Variants in NCOR1 observed in about 807,000 individuals in gnomAD.
NCOR1 encodes nuclear receptor corepressor 1, also known as protein phosphatase 1, regulatory subunit 109.
In NCOR1, 63 loss-of-function variants were observed where a neutral mutation model predicts 288.1. That is an observed-to-expected ratio of 0.22 (90% CI 0.18 to 0.27). NCOR1 has a LOEUF of 0.27. Among genes scored for constraint, NCOR1 ranks in the 10% least tolerant of loss-of-function variants. NCOR1 has a pLI of 1.00. For missense variants in NCOR1, 2,397 were observed against 3,019.2 expected, an observed-to-expected ratio of 0.79 and a Z score of 4.83; for synonymous variants, 1,007 against 1,065.9, an observed-to-expected ratio of 0.94 and a Z score of 1.08.
In NCOR1 at chr17:16,071,401, T is replaced by C. The variant is rs1195783556; in HGVS notation, c.4152+8A>G. 1 of 1,605,016 alleles carries C rather than the reference T, an allele frequency of 6.2e-7. No homozygotes were observed. Among genetic ancestry groups the C allele is most frequent in the South Asian group, 1.1e-5 (1 of 89,642 alleles). On this transcript the variant is annotated splice_region_variant and intron_variant, in intron 30 of 45. Coordinates refer to ENST00000268712, the MANE Select transcript of NCOR1 (RefSeq NM_006311.4). ...AGTTACTGACAAAAAGAGCCAAAAC[T>C]TAGTTACCTGGGAAATGGAACCCTC... is the stretch of plus-strand genomic sequence containing the variant.
chr17:16,066,987 C>T (rs1567804534), intron 32 of NCOR1, among the ~76,000 whole-genome samples: 1 of 152,216 alleles, frequency 6.6e-6, no homozygotes, highest in East Asian at 1.9e-4. Flanking sequence ...GCAGAAAACA[C>T]ATGTGTGACT....
Position 16,073,572 on chromosome 17 carries a change from A to G in NCOR1, c.3671-3T>C. 6.3e-7 allele frequency: 1 copy of G among 1,596,202 alleles called. No homozygotes were observed. Among genetic ancestry groups the G allele is most frequent in the South Asian group, 1.1e-5 (1 of 87,314 alleles). On this transcript the variant is annotated splice_region_variant and splice_polypyrimidine_tract_variant and intron_variant, in intron 27 of 45. Transcript: ENST00000268712. ...CCCTTCTCGGGCATTCTTAATATCT[A>G]CAGAATACACAAACAAGACTTGCTC...
At position 16,034,856 on chromosome 17, in the gene NCOR1, T is replaced by G; in HGVS notation, c.7044A>C (p.Glu2348Asp). Residue 2348 changes from glutamate to aspartate, a missense_variant, in exon 45 of 46, where the codon GAA (glutamate) becomes GAC (aspartate). Around this residue, in one of 11 missense-constraint regions of NCOR1, gnomAD observed 1,872 missense variants for 2,187.8 expected, o/e 0.86. Transcript: ENST00000268712. Reference protein sequence around the residue: ...PIPGQGYLGTERPSSVSSVHS... With the variant: ...PIPGQGYLGTDRPSSVSSVHS... ...GTACAGAGGAGACTGAAGAGGGCCG[T>G]TCCGTTCCTAAGTAGCCTTGCCCAG... The G allele has an allele frequency of 6.2e-7, 1 of 1,614,118 alleles. No individual in the cohort carries two copies. The highest frequency in any genetic ancestry group is 8.5e-7 in the Non-Finnish European group (1 of 1,179,998).
rs1292169277 is a variant in NCOR1, at chr17:16,098,456, T to C, written c.2731A>G (p.Thr911Ala). 1.9e-6 allele frequency: 3 copies of C among 1,613,870 alleles called. No homozygotes were observed. The highest frequency in any genetic ancestry group is 2.2e-5 in the South Asian group (2 of 91,048). The change falls in exon 21 of 46, where the codon ACT becomes GCT. Residue 911 changes from threonine (T) to alanine (A), a missense_variant. By Grantham distance (58) the Thr-to-Ala change is moderately conservative. Transcript: ENST00000268712. The part of the protein sequence containing the change: ...MDSKPSLLNP[T>A]GSILVSSPLK... ...GGAGATGAGACGAGTATAGATCCAG[T>C]GGGGTTTAACAGTGAAGGCTTTGAG...
intron 1 of NCOR1, among the ~76,000 whole-genome samples, chr17:16,203,001 G>A (rs555193059): frequency 6.6e-6 from 1 of 151,276 alleles, no homozygotes; most frequent in Non-Finnish European, 1.5e-5. Flanking sequence ...TTAGCTCTCA[G>A]TAACACCCAC....
intron 42 of NCOR1, among the ~76,000 whole-genome samples, chr17:16,041,738 T>C (rs1390508419): frequency 2.7e-5 from 4 of 149,254 alleles, no homozygotes. Flanking sequence ...AATTAATTTA[T>C]TAATTAATTT....
intron 16 of NCOR1, 80 bp downstream of exon 16, chr17:16,120,972 G>T (rs1032519652): frequency 2.3e-6 from 3 of 1,279,710 alleles, no homozygotes; most frequent in Non-Finnish European, 3.2e-6. Flanking sequence ...AATATTAAAA[G>T]TCCTTTCTAC....
chr17:16,098,136 G>A (rs1005283335), intron 21 of NCOR1, among the ~76,000 whole-genome samples: 16 of 152,136 alleles, frequency 1.1e-4, no homozygotes, highest in Non-Finnish European at 2.2e-4. Flanking sequence ...AATTAATTTC[G>A]CATTCGAAAG....
At chr17:16,131,443 CTAACTATATA>C (rs1287726978) in intron 14 of NCOR1, among the ~76,000 whole-genome samples, 1 of 152,040 alleles carries the variant, frequency 6.6e-6, no homozygotes, top group Non-Finnish European at 1.5e-5. Context: ...AAATGAATAT[CTAACTATATA>C]TATGTGCTAA....
chr17:16,169,300 T>A (rs562245547), intron 4 of NCOR1, among the ~76,000 whole-genome samples: 5 of 152,202 alleles, frequency 3.3e-5, no homozygotes, highest in African/African-American at 1.2e-4. Flanking sequence ...CCCATAAAAT[T>A]AAATAAAATT....
At chr17:16,039,795 CCTT>C in intron 43 of NCOR1, 141 bp from the exon 44 acceptor site, 3 of 739,820 alleles carry the variant, frequency 4.1e-6, no homozygotes, top group Non-Finnish European at 6.5e-6. Flanking sequence ...CACACAGAGA[CCTT>C]TTTTTTTGGA....
chr17:16,075,989 C>T (rs2062398685), intron 26 of NCOR1, among the ~76,000 whole-genome samples: 1 of 152,226 alleles, frequency 6.6e-6, no homozygotes, highest in African/African-American at 2.4e-5. Context: ...GGATTTAACT[C>T]TCAGAAGTTT....
chr17:16,165,946 G>A (rs1329251977), intron 4 of NCOR1, among the ~76,000 whole-genome samples: 1 of 152,126 alleles, frequency 6.6e-6, no homozygotes, highest in Non-Finnish European at 1.5e-5. Flanking sequence ...CCTACAATGA[G>A]GGTAGTTCAC....
intron 27 of NCOR1, 28 bp from the exon 28 acceptor site, chr17:16,073,597 C>T (rs1312753003): frequency 5.1e-6 from 8 of 1,560,604 alleles, no homozygotes; most frequent in East Asian, 4.7e-5. Flanking sequence ...AAGACTTGCT[C>T]AGACGGAGCA....
chr17:16,176,096 G>A (rs530454887), intron 3 of NCOR1, among the ~76,000 whole-genome samples: 4 of 151,978 alleles, frequency 2.6e-5, no homozygotes, highest in Non-Finnish European at 4.4e-5. Flanking sequence ...GCACATGCCC[G>A]TAATCCCAGC....
Position 16,194,576 on chromosome 17 carries a change from T to C in NCOR1, c.-7A>G. ...GATAACCTGAACTTGACATTATCAG[T>C]AAAGAAGTCCTCACCAGACTGTGAG... On this transcript the variant is annotated 5_prime_UTR_variant, in exon 2 of 46. Coordinates refer to ENST00000268712, the MANE Select transcript of NCOR1 (RefSeq NM_006311.4). 6.4e-7 allele frequency: 1 copy of C among 1,551,356 alleles called. No homozygotes were observed. Among genetic ancestry groups the C allele is most frequent in the African/African-American group, 1.4e-5 (1 of 73,852 alleles).
intron 31 of NCOR1, among the ~76,000 whole-genome samples, chr17:16,068,788 A>T (rs893725545): frequency 6.8e-6 from 1 of 146,668 alleles, no homozygotes; most frequent in Admixed American, 7.0e-5. Context: ...ATCTTGGCTC[A>T]CTGCAGTCTC....
chr17:16,038,637 C>T (rs886329521), intron 44 of NCOR1, among the ~76,000 whole-genome samples: 7 of 152,088 alleles, frequency 4.6e-5, no homozygotes, highest in Non-Finnish European at 8.8e-5. Context: ...GGGTTTTCAT[C>T]ATGTTGCCCA....
chr17:16,094,893 G>A (rs2066094303), intron 21 of NCOR1, among the ~76,000 whole-genome samples: 1 of 152,206 alleles, frequency 6.6e-6, no homozygotes. Flanking sequence ...CTGGAGTGCA[G>A]TGGCGTGATC....
Sources: allele counts gnomAD v4.1 joint callset (sites outside exome capture counted in the v4.1 genomes callset), GRCh38; gene constraint gnomAD v4.1.1; regional missense constraint gnomAD v4.1.1; transcripts MANE v1.5; gene names NCBI Gene and HGNC (gene_info 2026-07-23, HGNC 2026-07-21).